The following ATL2 variants were observed in gnomAD, a reference collection of about 807,000 sequenced individuals.
ATL2 encodes the protein atlastin GTPase 2, also known as atlastin-2.
A neutral mutation model predicts 73.9 loss-of-function variants in ATL2; 31 were observed. The ratio of observed to expected loss-of-function variants is 0.42; its 90% CI spans 0.32 to 0.57. The LOEUF (loss-of-function observed/expected upper bound fraction) is 0.57. Among genes scored for constraint, ATL2 ranks in the 20% least tolerant of loss-of-function variants. The pLI is 0.14. For missense variants in ATL2, 738 were observed against 702.6 expected (o/e 1.05, Z -0.57); for synonymous variants, 291 against 237.5 (o/e 1.23, Z -2.07).
intron 4 of ATL2, 51 bp downstream of exon 4, chr2:38,318,484 G>A (rs780895784): frequency 1.6e-5 from 22 of 1,333,556 alleles, no homozygotes; most frequent in East Asian, 2.4e-5. Flanking sequence ...AAAAAAAAAA[G>A]GGGCCAAATG....
At chr2:38,318,410 G>A in intron 4 of ATL2, 125 bp downstream of exon 4, 1 of 589,180 alleles carries the variant, frequency 1.7e-6, no homozygotes, top group Non-Finnish European at 2.8e-6. Context: ...AGGTTGCAGT[G>A]AGCCGAGATC....
intron 9 of ATL2, among the ~76,000 whole-genome samples, chr2:38,305,459 G>T (rs1297204091): frequency 4.6e-5 from 7 of 152,084 alleles, no homozygotes; most frequent in Non-Finnish European, 1.0e-4. Context: ...TGAGGCAGGA[G>T]AATCACTTGA....
intron 1 of ATL2, among the ~76,000 whole-genome samples, chr2:38,362,759 G>C (rs948429731): frequency 6.6e-6 from 1 of 152,192 alleles, no homozygotes; most frequent in Admixed American, 6.5e-5. Context: ...ACATCCTAAA[G>C]ACAGAGCAAT....
chr2:38,299,286 T>C lies in ATL2; in HGVS notation c.1170A>G (p.Ala390=). 6.6e-7 allele frequency: 1 copy of C among 1,518,582 alleles called. No homozygotes were observed. Among genetic ancestry groups the C allele is most frequent in the Non-Finnish European group, 8.7e-7 (1 of 1,145,280 alleles). 94.1% of individuals were successfully genotyped at this position (1,518,582 alleles called of 1,614,324 possible). A position where few individuals can be genotyped will look rare whatever the true frequency, so the allele number is the denominator to read the frequency against. The change falls in exon 11 of 13, where the codon GCA becomes GCG. Residue 390 remains alanine, a synonymous_variant. Coordinates refer to ENST00000378954, the MANE Select transcript of ATL2 (RefSeq NM_001135673.4). ...CCATACTTTTACAATAGGTATCTCT[T>C]GCTCCTGCTACTGCAGCAAGATTAT... The part of the protein sequence containing the change: ...EANNLAAVAG[A]RDTYCKSMEQ...
chr2:38,308,253 T>TG (rs1198663362), intron 9 of ATL2, among the ~76,000 whole-genome samples: 2 of 152,216 alleles, frequency 1.3e-5, no homozygotes, highest in East Asian at 3.8e-4. Context: ...ATATACACGA[T>TG]GAAGTACTAC....
At chr2:38,305,430 T>C (rs989688534) in intron 9 of ATL2, among the ~76,000 whole-genome samples, 4 of 152,040 alleles carry the variant, frequency 2.6e-5, no homozygotes, top group South Asian at 2.1e-4. Context: ...GTTACTGTAG[T>C]CTCAGCTACT....
At chr2:38,304,345 A>T (rs1316378023) in intron 9 of ATL2, among the ~76,000 whole-genome samples, 1 of 152,198 alleles carries the variant, frequency 6.6e-6, no homozygotes, top group Non-Finnish European at 1.5e-5. Flanking sequence ...CCTCAAACAA[A>T]AGCTGAGGAA....
At chr2:38,332,910 C>G (rs924274654) in intron 2 of ATL2, among the ~76,000 whole-genome samples, 1 of 152,144 alleles carries the variant, frequency 6.6e-6, no homozygotes, top group African/African-American at 2.4e-5. Context: ...AATTCTGAAG[C>G]CAGGCTCAAT....
intron 9 of ATL2, among the ~76,000 whole-genome samples, chr2:38,304,622 AG>A (rs1667354422): frequency 6.6e-6 from 1 of 152,236 alleles, no homozygotes; most frequent in Admixed American, 6.5e-5. Flanking sequence ...TACTATCAAT[AG>A]AAACAACGAA....
intron 12 of ATL2, chr2:38,296,621 G>T: frequency 6.2e-7 from 1 of 1,610,892 alleles, no homozygotes; most frequent in Non-Finnish European, 8.5e-7. Flanking sequence ...TTAGGAGAAT[G>T]AATCAGAGTG....
At chr2:38,349,440 G>A (rs1004041908) in intron 1 of ATL2, among the ~76,000 whole-genome samples, 18 of 142,616 alleles carry the variant, frequency 1.3e-4, no homozygotes, top group African/African-American at 2.1e-4. Context: ...ACCAAACACC[G>A]CATGTTCTCA....
At chr2:38,340,435 G>C (rs1266125873) in intron 2 of ATL2, among the ~76,000 whole-genome samples, 3 of 152,070 alleles carry the variant, frequency 2.0e-5, no homozygotes, top group Admixed American at 1.3e-4. Context: ...TAGAATACTT[G>C]AGTGTAACAT....
At position 38,294,033 on chromosome 2, in the gene ATL2, C is replaced by T. The variant is rs1347911015; in HGVS notation, c.*1961G>A. ...AAATTATTTTTTCATTCATAAAAAA[C>T]AGTCCACAGCATTCATAAAACAGGG... On this transcript the variant is annotated 3_prime_UTR_variant, in exon 13 of 13. Transcript: ENST00000378954. Among the ~76,000 whole-genome samples, 1 of 152,146 alleles carries T rather than the reference C, an allele frequency of 6.6e-6. No homozygotes were observed. Among genetic ancestry groups the T allele is most frequent in the African/African-American group, 2.4e-5 (1 of 41,438 alleles).
rs1573411362 is a variant in ATL2, at chr2:38,295,988, G to A, written c.*6C>T. Reference sequence around the variant, plus strand: ...AAGAGAGTGGAGTCCGTGAGGAGATGAACTGTCAGTCTGTCTTTAATCTGG... The same window carrying A: ...AAGAGAGTGGAGTCCGTGAGGAGATAAACTGTCAGTCTGTCTTTAATCTGG... On this transcript the variant is annotated 3_prime_UTR_variant, in exon 13 of 13. Coordinates refer to ENST00000378954, the MANE Select transcript of ATL2 (RefSeq NM_001135673.4). 2 of 1,537,328 alleles carry A rather than the reference G, an allele frequency of 1.3e-6. No individual in the cohort carries two copies. The highest frequency in any genetic ancestry group is 1.8e-6 in the Non-Finnish European group (2 of 1,135,068).
chr2:38,343,198 T>G, intron 2 of ATL2, 70 bp downstream of exon 2: 1 of 1,014,858 alleles, frequency 9.9e-7, no homozygotes, highest in Non-Finnish European at 1.4e-6. Context: ...CTGGTTTTTG[T>G]CTATTTTTTT....
chr2:38,309,330 A>G, intron 9 of ATL2, 49 bp downstream of exon 9: 1 of 1,534,580 alleles, frequency 6.5e-7, no homozygotes, highest in Non-Finnish European at 8.7e-7. Context: ...ATGAGTTTTA[A>G]GTCAACTACA....
At chr2:38,342,633 C>T (rs1277071978) in intron 2 of ATL2, among the ~76,000 whole-genome samples, 2 of 152,124 alleles carry the variant, frequency 1.3e-5, no homozygotes, top group African/African-American at 4.8e-5. Flanking sequence ...CACAGATATA[C>T]TTTTTCAAAG....
At chr2:38,362,382 C>A (rs939534265) in intron 1 of ATL2, among the ~76,000 whole-genome samples, 6 of 152,184 alleles carry the variant, frequency 3.9e-5, no homozygotes, top group Non-Finnish European at 7.3e-5. Context: ...TTATCATGGG[C>A]CTATGACTGA....
At position 38,300,343 on chromosome 2, in the gene ATL2, G is replaced by T. The variant is rs368617690; in HGVS notation, c.1072-15C>A. 6.3e-7 allele frequency: 1 copy of T among 1,593,614 alleles called. No homozygotes were observed. Among genetic ancestry groups the T allele is most frequent in the African/African-American group, 1.3e-5 (1 of 74,376 alleles). On this transcript the variant is annotated splice_polypyrimidine_tract_variant and intron_variant, in intron 9 of 12. Coordinates refer to ENST00000378954, the MANE Select transcript of ATL2 (RefSeq NM_001135673.4). ...TTGATGTAAGCCTAAAAAGGGAGAA[G>T]ATTTGTTAGACTGACGGATTATGCA... is the stretch of plus-strand genomic sequence containing the variant.
Sources: allele counts gnomAD v4.1 joint callset (sites outside exome capture counted in the v4.1 genomes callset), GRCh38; gene constraint gnomAD v4.1.1; transcripts MANE v1.5; gene names NCBI Gene and HGNC (gene_info 2026-07-23, HGNC 2026-07-21).